CDKL4: variants seen among roughly 807,000 people sequenced by gnomAD.
The protein encoded by CDKL4 is cyclin dependent kinase like 4.
In CDKL4, 44 loss-of-function variants were observed where a neutral mutation model predicts 42.0. The ratio of observed to expected loss-of-function variants is 1.05; its 90% CI spans 0.82 to 1.35. The LOEUF is 1.35. Among genes scored for constraint, CDKL4 ranks in the 40% most tolerant of loss-of-function variants. The probability of loss-of-function intolerance (pLI) is 0.00; values close to 1 mark genes in which losing one functional copy is unlikely to be tolerated. For missense variants in CDKL4, 393 were observed against 369.9 expected, an observed-to-expected ratio of 1.06 and a Z score of -0.51; for synonymous variants, 120 against 121.6, an observed-to-expected ratio of 0.99 and a Z score of 0.09.
chr2:39,175,335 G>GGCAA (rs1322573292), downstream of CDKL4, among the ~76,000 whole-genome samples: 1 of 152,174 alleles, frequency 6.6e-6, no homozygotes, highest in East Asian at 1.9e-4. Context: ...TGATGAGGAT[G>GGCAA]GCAATTCCTT....
At chr2:39,199,761 G>T (rs993173391) in intron 5 of CDKL4, among the ~76,000 whole-genome samples, 2 of 152,028 alleles carry the variant, frequency 1.3e-5, no homozygotes, top group Non-Finnish European at 2.9e-5. Context: ...AATAGATGCA[G>T]AAAAAGCACT....
chr2:39,193,436 C>T (rs11673802), intron 5 of CDKL4, among the ~76,000 whole-genome samples: 114,323 of 151,100 alleles, frequency 0.76, 46,534 homozygotes, highest in Non-Finnish European at 0.91. Context: ...AGTTCAATGG[C>T]ACAATCTCGG....
At position 39,219,297 on chromosome 2, in the gene CDKL4, G is replaced by T. The variant is rs1334831775; in HGVS notation, c.291-5825C>A. 2.6e-5 allele frequency among the ~76,000 whole-genome samples: 4 copies of T among 152,328 alleles called. No individual in the cohort carries two copies. The South Asian group carries it at 8.3e-4, about 32-fold the overall frequency. The stretch of plus-strand genomic sequence containing the variant: ...GATGTGGGAAACAATCCAAGGCTGT[G>T]AGAATCTAGGATTGGATATCTGATG... On this transcript the variant is annotated intron_variant, in intron 3 of 9. Coordinates refer to ENST00000451199, the Ensembl canonical transcript of CDKL4.
upstream of CDKL4, among the ~76,000 whole-genome samples, chr2:39,245,125 C>T (rs540087778): frequency 1.3e-5 from 2 of 152,352 alleles, no homozygotes; most frequent in Admixed American, 1.3e-4. Flanking sequence ...ACTCGGGTTC[C>T]TTTCCACACT....
At chr2:39,243,574 TTC>T (rs1679768997) in intron 1 of CDKL4, among the ~76,000 whole-genome samples, 1 of 152,244 alleles carries the variant, frequency 6.6e-6, no homozygotes, top group African/African-American at 2.4e-5. Flanking sequence ...TTAATGACAG[TTC>T]TCTTTCTCGG....
chr2:39,193,268 G>A (rs1397938568), intron 5 of CDKL4, among the ~76,000 whole-genome samples: 27 of 139,100 alleles, frequency 1.9e-4, no homozygotes, highest in Admixed American at 7.4e-5. Context: ...ATCTCTCTCT[G>A]TTAAAAAAAA....
intron 7 of CDKL4, among the ~76,000 whole-genome samples, chr2:39,186,918 A>T (rs1319881232): frequency 6.6e-6 from 1 of 152,170 alleles, no homozygotes; most frequent in Non-Finnish European, 1.5e-5. Context: ...AGATAAGACA[A>T]GTAAACATTT....
chr2:39,234,484 T>A (rs1410377311), intron 1 of CDKL4, among the ~76,000 whole-genome samples: 2 of 151,732 alleles, frequency 1.3e-5, no homozygotes, highest in Non-Finnish European at 1.5e-5. Context: ...GGAAAAGAAG[T>A]CCGAACGTAT....
At chr2:39,172,564 C>A (rs1036189979), downstream of CDKL4, among the ~76,000 whole-genome samples, 3 of 152,144 alleles carry the variant, frequency 2.0e-5, no homozygotes, top group Non-Finnish European at 4.4e-5. Flanking sequence ...AGGCATATGG[C>A]ATCAGAAGCT....
intron 1 of CDKL4, among the ~76,000 whole-genome samples, chr2:39,236,595 T>C (rs1405792356): frequency 6.6e-6 from 1 of 152,150 alleles, no homozygotes; most frequent in Non-Finnish European, 1.5e-5. Context: ...GCTTAATGGC[T>C]GACTCTTCAT....
At chr2:39,180,403 G>T (rs756722017) in intron 8 of CDKL4, among the ~76,000 whole-genome samples, 1 of 152,248 alleles carries the variant, frequency 6.6e-6, no homozygotes, top group Non-Finnish European at 1.5e-5. Context: ...TGTGGTGTCT[G>T]TTCCTCCCTG....
chr2:39,229,100 C>A (rs192600561), intron 2 of CDKL4, among the ~76,000 whole-genome samples: 1 of 152,014 alleles, frequency 6.6e-6, no homozygotes, highest in Non-Finnish European at 1.5e-5. Flanking sequence ...TGGGGGCGAG[C>A]GTAAACACTG....
intron 1 of CDKL4, among the ~76,000 whole-genome samples, 109 bp downstream of exon 1, chr2:39,243,762 C>T (rs957981423): frequency 6.6e-6 from 1 of 152,264 alleles, no homozygotes; most frequent in Non-Finnish European, 1.5e-5. Context: ...TTTCGGGGAA[C>T]TTTTCTTGGT....
rs73922858 is a variant in CDKL4, at chr2:39,233,646, G to C, written c.-56-4058C>G. ...AACCTGCCCAAGAAATGAAACAAGG[G>C]AAAGCCGTCCCCATACATGCTATTA... On this transcript the variant is annotated intron_variant, in intron 1 of 9. Coordinates refer to ENST00000451199, the Ensembl canonical transcript of CDKL4. Among the ~76,000 whole-genome samples the C allele has an allele frequency of 8.6e-3, 1,309 of 151,570 alleles. 22 individuals carry two copies. Among genetic ancestry groups the C allele is most frequent in the African/African-American group, 0.03 (1,221 of 41,334 alleles).
At chr2:39,212,800 CAG>C (rs911272007) in intron 4 of CDKL4, among the ~76,000 whole-genome samples, 19 of 152,086 alleles carry the variant, frequency 1.2e-4, no homozygotes, top group Non-Finnish European at 2.6e-4. Flanking sequence ...GCTAGGATTA[CAG>C]GTGCGCACCA....
rs1385289836 is a variant in CDKL4 at position 39,184,652 on chromosome 2, A to G, written c.736-5T>C. 6.2e-7 allele frequency: 1 copy of G among 1,606,268 alleles called. No individual in the cohort carries two copies. The highest frequency in any genetic ancestry group is 8.5e-7 in the Non-Finnish European group (1 of 1,174,692). ...GAACTTTTCCTCAAGAGTTTCCTGA[A>G]AAACAAGGTTAAAACATTCAATATT... On this transcript the variant is annotated splice_polypyrimidine_tract_variant and splice_region_variant and intron_variant, in intron 7 of 9. Transcript: ENST00000451199.
upstream of CDKL4, among the ~76,000 whole-genome samples, chr2:39,245,551 AG>A (rs1268527423): frequency 9.8e-5 from 15 of 152,326 alleles, no homozygotes; most frequent in East Asian, 2.3e-3. Flanking sequence ...CTCGGGGCCG[AG>A]CCTGTAGCAT....
intron 9 of CDKL4, 139 bp from the exon 10 acceptor site, chr2:39,176,235 G>T: frequency 3.1e-6 from 1 of 322,960 alleles, no homozygotes; most frequent in Non-Finnish European, 6.2e-6. Context: ...AATTAAGTAG[G>T]GTTACCTTTC....
intron 2 of CDKL4, among the ~76,000 whole-genome samples, chr2:39,226,434 A>AATTATATATATTTTATATAT (rs1678721212): frequency 4.9e-5 from 5 of 101,572 alleles, no homozygotes; most frequent in Non-Finnish European, 1.1e-4. Flanking sequence ...TATTTATATA[A>AATTATATATATTTTATATAT]ATTATATATA....
Sources: gnomAD v4.1 joint callset for allele counts (sites outside exome capture counted in the v4.1 genomes callset) on GRCh38, gnomAD v4.1.1 for gene constraint, MANE v1.5 for transcripts, NCBI Gene and HGNC (gene_info 2026-07-23, HGNC 2026-07-21) for gene names.